CCDC146: variants seen among roughly 807,000 people sequenced by gnomAD.
CCDC146 encodes coiled-coil domain-containing protein 146.
A neutral mutation model predicts 119.3 loss-of-function variants in CCDC146; 92 were observed. The ratio of observed to expected loss-of-function variants is 0.77; its 90% CI spans 0.65 to 0.92. The LOEUF (loss-of-function observed/expected upper bound fraction) is 0.92. Among genes scored for constraint, CCDC146 ranks in the 40% least tolerant of loss-of-function variants. The probability of loss-of-function intolerance (pLI) is 0.00; values close to 1 mark genes in which losing one functional copy is unlikely to be tolerated. For missense variants in CCDC146, 1,000 were observed against 1,103.0 expected, an observed-to-expected ratio of 0.91 and a Z score of 1.32; for synonymous variants, 372 against 371.8, an observed-to-expected ratio of 1.00 and a Z score of -0.01.
Position 77,280,693 on chromosome 7 carries a change from C to T in CCDC146, c.1919+40C>T, listed in dbSNP as rs374614495. 2.2e-6 allele frequency: 3 copies of T among 1,365,718 alleles called. 1 individual carries two copies. Among genetic ancestry groups the T allele is most frequent in the Non-Finnish European group, 3.1e-6 (3 of 979,502 alleles). 84.6% of individuals were successfully genotyped at this position (1,365,718 alleles called of 1,614,324 possible). A position where few individuals can be genotyped will look rare whatever the true frequency, so the allele number is the denominator to read the frequency against. On this transcript the variant is annotated intron_variant, in intron 14 of 18. Coordinates refer to ENST00000285871, the MANE Select transcript of CCDC146 (RefSeq NM_020879.3). The stretch of plus-strand genomic sequence containing the variant: ...TGAGAACAGAGCACCAGGGATCCAA[C>T]TGAGGAATGTCACCTCTTTTTCTAT...
At chr7:77,186,086 T>C (rs1037763268) in intron 2 of CCDC146, among the ~76,000 whole-genome samples, 7 of 152,126 alleles carry the variant, frequency 4.6e-5, no homozygotes, top group Non-Finnish European at 1.0e-4. Context: ...AGTTTCCAGG[T>C]TCCTCAAGAA....
intron 2 of CCDC146, among the ~76,000 whole-genome samples, chr7:77,201,062 T>G (rs1334719588): frequency 1.7e-4 from 26 of 152,188 alleles, no homozygotes; most frequent in Non-Finnish European, 1.5e-5. Flanking sequence ...TCTCAAAATG[T>G]TGGCAGACTC....
intron 17 of CCDC146, among the ~76,000 whole-genome samples, chr7:77,290,521 A>C (rs543125624): frequency 1.3e-5 from 2 of 152,262 alleles, no homozygotes; most frequent in Non-Finnish European, 2.9e-5. Context: ...AATTTACTCA[A>C]AGTGCATTAG....
intron 1 of CCDC146, among the ~76,000 whole-genome samples, chr7:77,164,705 T>C (rs1791315864): frequency 6.6e-6 from 1 of 152,220 alleles, no homozygotes. Context: ...AGTTGTTGTT[T>C]TGTTTTACTA....
At chr7:77,125,686 C>A (rs1445888033) in intron 1 of CCDC146, among the ~76,000 whole-genome samples, 1 of 151,864 alleles carries the variant, frequency 6.6e-6, no homozygotes, top group Non-Finnish European at 1.5e-5. Flanking sequence ...AGAGAGTTTT[C>A]AGAAGAAAAG....
intron 15 of CCDC146, among the ~76,000 whole-genome samples, chr7:77,283,822 T>C (rs896835042): frequency 1.3e-5 from 2 of 152,210 alleles, no homozygotes; most frequent in Non-Finnish European, 2.9e-5. Context: ...GCCATTTGAA[T>C]GTGTATATGC....
chr7:77,240,860 T>C (rs1168505055), intron 3 of CCDC146, among the ~76,000 whole-genome samples: 1 of 152,198 alleles, frequency 6.6e-6, no homozygotes, highest in East Asian at 1.9e-4. Flanking sequence ...CTTTTTTTTG[T>C]TCCAGGACCC....
chr7:77,236,209 T>C (rs1006768000), intron 2 of CCDC146, among the ~76,000 whole-genome samples: 4 of 152,236 alleles, frequency 2.6e-5, no homozygotes, highest in African/African-American at 9.7e-5. Flanking sequence ...GATTTTAGGA[T>C]GGTAAAACTT....
intron 1 of CCDC146, among the ~76,000 whole-genome samples, chr7:77,134,146 T>A (rs1056440135): frequency 6.8e-6 from 1 of 147,354 alleles, no homozygotes; most frequent in African/African-American, 2.5e-5. Context: ...GAGGGAGGGT[T>A]GACTGGATTT....
chr7:77,207,030 T>C (rs547190721), intron 2 of CCDC146, among the ~76,000 whole-genome samples: 7 of 152,180 alleles, frequency 4.6e-5, no homozygotes, highest in Admixed American at 2.0e-4. Flanking sequence ...TTATGAGATA[T>C]AGATGTCGTC....
At chr7:77,129,640 C>G (rs979859057) in intron 1 of CCDC146, among the ~76,000 whole-genome samples, 2 of 152,048 alleles carry the variant, frequency 1.3e-5, no homozygotes, top group African/African-American at 4.8e-5. Context: ...CTACTGTAAT[C>G]TCTACTGATC....
intron 4 of CCDC146, among the ~76,000 whole-genome samples, 198 bp from the exon 5 acceptor site, chr7:77,254,308 A>T (rs1208686961): frequency 1.3e-5 from 2 of 152,178 alleles, no homozygotes; most frequent in Non-Finnish European, 2.9e-5. Context: ...GTGTTCACAA[A>T]GTTGGGTGGG....
intron 18 of CCDC146, 150 bp from the exon 19 acceptor site, chr7:77,294,513 T>G: frequency 1.6e-5 from 9 of 568,042 alleles, no homozygotes; most frequent in East Asian, 9.5e-5. Flanking sequence ...TGTGGTGTGA[T>G]TCTACCCTCC....
At chr7:77,289,400 C>G (rs1584150780) in intron 17 of CCDC146, among the ~76,000 whole-genome samples, 1 of 152,204 alleles carries the variant, frequency 6.6e-6, no homozygotes, top group East Asian at 1.9e-4. Flanking sequence ...ACCTTCCATG[C>G]TCTCCATTGG....
intron 2 of CCDC146, chr7:77,198,120 A>G: frequency 1.0e-6 from 1 of 985,406 alleles, no homozygotes; most frequent in Non-Finnish European, 1.2e-6. Flanking sequence ...CACTGATGTC[A>G]CCTAAGCGGT....
At chr7:77,168,048 A>C (rs1186234963) in intron 2 of CCDC146, among the ~76,000 whole-genome samples, 4 of 152,230 alleles carry the variant, frequency 2.6e-5, no homozygotes, top group Non-Finnish European at 5.9e-5. Context: ...CTTTCGTAGC[A>C]TAAGTATTTG....
chr7:77,138,504 T>A (rs573781200), intron 1 of CCDC146, among the ~76,000 whole-genome samples: 1 of 152,128 alleles, frequency 6.6e-6, no homozygotes, highest in Non-Finnish European at 1.5e-5. Context: ...TCCAAAAGCA[T>A]GATCCATTAA....
intron 2 of CCDC146, among the ~76,000 whole-genome samples, chr7:77,218,543 G>A (rs1792341014): frequency 6.6e-6 from 1 of 151,756 alleles, no homozygotes; most frequent in Admixed American, 6.6e-5. Context: ...TATGAATCCA[G>A]TGTCATCAAG....
intron 2 of CCDC146, among the ~76,000 whole-genome samples, chr7:77,224,895 TGGTTACTACA>T (rs1490879257): frequency 6.6e-6 from 1 of 152,144 alleles, no homozygotes; most frequent in Non-Finnish European, 1.5e-5. Context: ...ACTGGCAGTC[TGGTTACTACA>T]GGTTGCTGAG....
Sources: gnomAD v4.1 joint callset for allele counts (sites outside exome capture counted in the v4.1 genomes callset) on GRCh38, gnomAD v4.1.1 for gene constraint, MANE v1.5 for transcripts, NCBI Gene and HGNC (gene_info 2026-07-23, HGNC 2026-07-21) for gene names.